The following JAZF1 variants were observed in gnomAD, a reference collection of about 807,000 sequenced individuals.
JAZF1 encodes the protein JAZF zinc finger 1, also known as juxtaposed with another zinc finger protein 1.
JAZF1 carries 8 observed loss-of-function variants against 26.4 expected under a neutral mutation model. The ratio of observed to expected loss-of-function variants is 0.30; its 90% CI spans 0.18 to 0.55. JAZF1 has a LOEUF of 0.55. Among genes scored for constraint, JAZF1 ranks in the 20% least tolerant of loss-of-function variants. The pLI is 0.94. For missense variants in JAZF1, 199 were observed against 322.0 expected, an observed-to-expected ratio of 0.62 and a Z score of 2.92; for synonymous variants, 126 against 122.3, an observed-to-expected ratio of 1.03 and a Z score of -0.20.
chr7:28,139,549 A>C (rs1027121591), intron 1 of JAZF1, among the ~76,000 whole-genome samples: 2 of 152,306 alleles, frequency 1.3e-5, no homozygotes, highest in Non-Finnish European at 1.5e-5. Context: ...AAACTACCAG[A>C]AGCTGGGAAA....
At chr7:28,120,116 G>A (rs557378688) in intron 1 of JAZF1, among the ~76,000 whole-genome samples, 8 of 151,650 alleles carry the variant, frequency 5.3e-5, no homozygotes, top group Non-Finnish European at 1.0e-4. Context: ...ATTAATTCCT[G>A]TCTTGCAACA....
intron 3 of JAZF1, among the ~76,000 whole-genome samples, chr7:27,865,542 T>C (rs1041553813): frequency 2.0e-5 from 3 of 152,122 alleles, no homozygotes; most frequent in Admixed American, 6.5e-5. Flanking sequence ...AGAACCAACA[T>C]TTAACCCAGA....
At chr7:28,092,850 G>A (rs1784324853) in intron 1 of JAZF1, among the ~76,000 whole-genome samples, 1 of 150,844 alleles carries the variant, frequency 6.6e-6, no homozygotes, top group Admixed American at 6.6e-5. Flanking sequence ...AGTAGAGTGA[G>A]GCCCTGTTTC....
intron 1 of JAZF1, among the ~76,000 whole-genome samples, chr7:28,123,058 G>A (rs962843567): frequency 2.0e-5 from 3 of 152,036 alleles, no homozygotes; most frequent in Admixed American, 6.6e-5. Flanking sequence ...AACTCCCCCA[G>A]CCTTCCCAGG....
chr7:28,110,093 C>T (rs78615563), intron 1 of JAZF1, among the ~76,000 whole-genome samples: 14,591 of 152,008 alleles, frequency 0.096, 953 homozygotes, highest in Middle Eastern at 0.18. Flanking sequence ...TTTTAAAAGA[C>T]TGGTCAAGAG....
chr7:28,154,617 C>G (rs1783153175), intron 1 of JAZF1, among the ~76,000 whole-genome samples: 1 of 152,002 alleles, frequency 6.6e-6, no homozygotes, highest in African/African-American at 2.4e-5. Flanking sequence ...ATTCTCTGGC[C>G]AATGGGATCC....
chr7:27,955,175 T>A (rs1010270954), intron 2 of JAZF1, among the ~76,000 whole-genome samples: 1 of 152,352 alleles, frequency 6.6e-6, no homozygotes, highest in East Asian at 1.9e-4. Flanking sequence ...TTTTACATGT[T>A]CAACATTGGT....
At chr7:28,117,040 T>C (rs1784757094) in intron 1 of JAZF1, among the ~76,000 whole-genome samples, 1 of 152,048 alleles carries the variant, frequency 6.6e-6, no homozygotes, top group Non-Finnish European at 1.5e-5. Context: ...TCCAGACTGG[T>C]CTCGAACTCC....
intron 2 of JAZF1, among the ~76,000 whole-genome samples, chr7:27,920,528 T>G (rs1376965060): frequency 6.6e-6 from 1 of 152,220 alleles, no homozygotes; most frequent in Non-Finnish European, 1.5e-5. Context: ...CAAACATTTT[T>G]CTGCTTTCCT....
chr7:27,908,278 A>G (rs984384991), intron 2 of JAZF1, among the ~76,000 whole-genome samples: 2 of 147,848 alleles, frequency 1.4e-5, no homozygotes, highest in African/African-American at 5.0e-5. Context: ...GTTGAAAGAT[A>G]GAGCAGAGTT....
intron 1 of JAZF1, among the ~76,000 whole-genome samples, chr7:28,030,844 A>C (rs1783177303): frequency 6.6e-6 from 1 of 152,180 alleles, no homozygotes; most frequent in South Asian, 2.1e-4. Context: ...GTATTTCATA[A>C]ACATTTACTA....
At chr7:27,891,512 A>T (rs768828962) in intron 3 of JAZF1, among the ~76,000 whole-genome samples, 8 of 152,328 alleles carry the variant, frequency 5.3e-5, no homozygotes, top group South Asian at 2.1e-4. Flanking sequence ...ATGAGAGAAA[A>T]AGATTCTTCT....
At chr7:28,091,591 G>C (rs1276587723) in intron 1 of JAZF1, among the ~76,000 whole-genome samples, 2 of 148,074 alleles carry the variant, frequency 1.4e-5, no homozygotes, top group East Asian at 3.9e-4. Context: ...TTCAATGTAA[G>C]TTAAATATAC....
At chr7:28,074,981 G>C (rs1784029009) in intron 1 of JAZF1, among the ~76,000 whole-genome samples, 1 of 152,082 alleles carries the variant, frequency 6.6e-6, no homozygotes, top group South Asian at 2.1e-4. Flanking sequence ...GAAATGAAGA[G>C]GTAAAGGACA....
intron 2 of JAZF1, among the ~76,000 whole-genome samples, chr7:27,904,274 G>C (rs546569473): frequency 6.6e-6 from 1 of 152,326 alleles, no homozygotes; most frequent in African/African-American, 2.4e-5. Context: ...AGGTCTCAAT[G>C]TAATGATGGC....
At chr7:28,094,614 G>A (rs537031514) in intron 1 of JAZF1, among the ~76,000 whole-genome samples, 93 of 152,244 alleles carry the variant, frequency 6.1e-4, no homozygotes, top group Non-Finnish European at 9.7e-4. Context: ...TGCCATGGGG[G>A]AAGAAGGAAC....
intron 1 of JAZF1, among the ~76,000 whole-genome samples, chr7:28,175,248 T>C (rs1783531601): frequency 6.6e-6 from 1 of 152,162 alleles, no homozygotes; most frequent in African/African-American, 2.4e-5. Flanking sequence ...CACTAGACTG[T>C]TGAGGAGTCT....
At chr7:27,888,559 G>A (rs1262912488) in intron 3 of JAZF1, among the ~76,000 whole-genome samples, 1 of 152,098 alleles carries the variant, frequency 6.6e-6, no homozygotes, top group Non-Finnish European at 1.5e-5. Flanking sequence ...CTGTATTGCA[G>A]AGAAATGTCC....
chr7:27,852,294 G>A (rs138313223), intron 3 of JAZF1, among the ~76,000 whole-genome samples: 11,513 of 152,004 alleles, frequency 0.076, 644 homozygotes, highest in Middle Eastern at 0.12. Flanking sequence ...CCAACACCTG[G>A]CTAATTTTTT....
Sources: allele counts gnomAD v4.1 joint callset (sites outside exome capture counted in the v4.1 genomes callset), GRCh38; gene constraint gnomAD v4.1.1; transcripts MANE v1.5; gene names NCBI Gene and HGNC (gene_info 2026-07-23, HGNC 2026-07-21).